Variants in WWC1 observed in about 807,000 individuals in gnomAD.
WWC1 encodes protein KIBRA.
A neutral mutation model predicts 138.4 loss-of-function variants in WWC1; 55 were observed. That is an observed-to-expected ratio of 0.40 (90% CI 0.32 to 0.50). The LOEUF (loss-of-function observed/expected upper bound fraction) is 0.50. WWC1 is among the 20% of genes least tolerant of loss of function. The probability of loss-of-function intolerance (pLI) is 0.72; values close to 1 mark genes in which losing one functional copy is unlikely to be tolerated. For synonymous variants in WWC1, 524 were observed against 564.9 expected (o/e 0.93, Z 1.03); for missense variants, 1,226 against 1,420.4 (o/e 0.86, Z 2.20).
At chr5:168,362,077 C>G (rs1443411343) in intron 1 of WWC1, among the ~76,000 whole-genome samples, 2 of 152,132 alleles carry the variant, frequency 1.3e-5, no homozygotes, top group Non-Finnish European at 2.9e-5. Context: ...GAGTGAAACT[C>G]CATCTCAAAA....
chr5:168,399,165 T>G (rs751563210), intron 4 of WWC1, among the ~76,000 whole-genome samples: 1 of 152,178 alleles, frequency 6.6e-6, no homozygotes, highest in Non-Finnish European at 1.5e-5. Flanking sequence ...CAAGACAGCT[T>G]GAGAGAGTTC....
chr5:168,401,943 A>G (rs958323680), intron 5 of WWC1, among the ~76,000 whole-genome samples: 3 of 152,184 alleles, frequency 2.0e-5, no homozygotes, highest in African/African-American at 7.2e-5. Flanking sequence ...CTGAGCACAC[A>G]GTTTAAGGGC....
intron 1 of WWC1, among the ~76,000 whole-genome samples, chr5:168,297,204 G>T (rs1769612390): frequency 6.6e-6 from 1 of 152,242 alleles, no homozygotes; most frequent in Admixed American, 6.5e-5. Context: ...AGGAATGCCA[G>T]TTCCTTTAAC....
intron 21 of WWC1, chr5:168,467,605 C>A (rs1757407656): frequency 1.9e-6 from 1 of 530,022 alleles, no homozygotes; most frequent in Non-Finnish European, 3.2e-6. Context: ...AGGCAGCCCT[C>A]ATCTCCTCAA....
intron 1 of WWC1, among the ~76,000 whole-genome samples, chr5:168,324,611 T>A (rs953989588): frequency 1.3e-5 from 2 of 152,166 alleles, no homozygotes; most frequent in Admixed American, 1.3e-4. Context: ...GGATGATTTT[T>A]TTTTTAAAAG....
chr5:168,298,352 T>C lies in WWC1; in HGVS notation c.119+6081T>C, dbSNP rs895934941. 1.3e-5 allele frequency among the ~76,000 whole-genome samples: 2 copies of C among 152,142 alleles called. 1 individual carries two copies. The highest frequency in any genetic ancestry group is 4.1e-4 in the South Asian group (2 of 4,820). ...CTGTGCCCCACCCAACAAGGTTTCT[T>C]AAGTGAGAGTTATAACCAGTCTGCC... On this transcript the variant is annotated intron_variant, in intron 1 of 22. Transcript: ENST00000265293.
At chr5:168,424,610 G>A (rs1482392518) in intron 11 of WWC1, among the ~76,000 whole-genome samples, 1 of 152,224 alleles carries the variant, frequency 6.6e-6, no homozygotes, top group African/African-American at 2.4e-5. Context: ...TGAATGGTGA[G>A]ATGGAGCCAG....
At chr5:168,351,297 T>C (rs922737361) in intron 1 of WWC1, among the ~76,000 whole-genome samples, 1 of 152,166 alleles carries the variant, frequency 6.6e-6, no homozygotes, top group Non-Finnish European at 1.5e-5. Flanking sequence ...TGATTGAATC[T>C]GAAAAGCTGA....
intron 1 of WWC1, among the ~76,000 whole-genome samples, chr5:168,330,572 T>C (rs1239883215): frequency 6.6e-6 from 1 of 152,176 alleles, no homozygotes; most frequent in East Asian, 1.9e-4. Context: ...TGGAATGTGC[T>C]AGAAGGGGAA....
At chr5:168,315,960 C>T (rs1771549848) in intron 1 of WWC1, among the ~76,000 whole-genome samples, 1 of 152,162 alleles carries the variant, frequency 6.6e-6, no homozygotes, top group Non-Finnish European at 1.5e-5. Context: ...AGGGAGACTC[C>T]ATAGCTTGAC....
intron 17 of WWC1, among the ~76,000 whole-genome samples, chr5:168,448,601 T>C (rs984090058): frequency 6.6e-6 from 1 of 150,994 alleles, no homozygotes; most frequent in Non-Finnish European, 1.5e-5. Flanking sequence ...CATCATAGAA[T>C]AGTTCTCAAA....
In WWC1 at chr5:168,309,875, A is replaced by G. The variant is rs768169363; in HGVS notation, c.119+17604A>G. On this transcript the variant is annotated intron_variant, in intron 1 of 22. Transcript: ENST00000265293. Reference sequence around the variant, plus strand: ...GTGTCTGTTTCTAGGTACCCACTGGACATCATTTCTGTGTCTAGACAAGCA... The same window carrying G: ...GTGTCTGTTTCTAGGTACCCACTGGGCATCATTTCTGTGTCTAGACAAGCA... Among the ~76,000 whole-genome samples the G allele has an allele frequency of 1.4e-3, 217 of 152,112 alleles. 2 individuals are homozygous for G. Among genetic ancestry groups the G allele is most frequent in the Non-Finnish European group, 8.1e-4 (55 of 68,030 alleles).
chr5:168,364,962 A>G (rs1776177519), intron 1 of WWC1, among the ~76,000 whole-genome samples: 1 of 152,176 alleles, frequency 6.6e-6, no homozygotes, highest in Admixed American at 6.5e-5. Context: ...TCATGTGCTC[A>G]GCTCTCCTAA....
At chr5:168,459,219 A>G (rs1756584974) in intron 19 of WWC1, among the ~76,000 whole-genome samples, 1 of 146,980 alleles carries the variant, frequency 6.8e-6, no homozygotes, top group South Asian at 2.1e-4. Flanking sequence ...GCACCATTGC[A>G]CTCCAGCCTG....
intron 1 of WWC1, among the ~76,000 whole-genome samples, chr5:168,305,659 G>T (rs530253219): frequency 6.6e-6 from 1 of 152,282 alleles, no homozygotes; most frequent in Non-Finnish European, 1.5e-5. Flanking sequence ...CGAATAAGGA[G>T]TCTTGATCTC....
intron 1 of WWC1, among the ~76,000 whole-genome samples, chr5:168,360,211 G>A (rs1389899435): frequency 1.3e-5 from 2 of 152,188 alleles, no homozygotes; most frequent in Non-Finnish European, 2.9e-5. Context: ...GATATCAGTT[G>A]TAAGATGTCA....
chr5:168,294,750 C>T lies in WWC1; in HGVS notation c.119+2479C>T, dbSNP rs557182601. On this transcript the variant is annotated intron_variant, in intron 1 of 22. Coordinates refer to ENST00000265293, the MANE Select transcript of WWC1 (RefSeq NM_015238.3). ...AAGCGATTCTCCTGCCTCAACCTCC[C>T]GAGTAGCTGGGACTACAGGTGCACG... is the stretch of plus-strand genomic sequence containing the variant. Among the ~76,000 whole-genome samples, 7 of 152,250 alleles carry T rather than the reference C, an allele frequency of 4.6e-5. 1 individual carries two copies. The South Asian group carries it at 8.3e-4, about 18-fold the overall frequency.
At chr5:168,337,140 A>G (rs1471073053) in intron 1 of WWC1, among the ~76,000 whole-genome samples, 2 of 152,044 alleles carry the variant, frequency 1.3e-5, no homozygotes, top group African/African-American at 2.4e-5. Context: ...ATCTACACCA[A>G]CTGATGCTGG....
intron 12 of WWC1, 126 bp from the exon 13 acceptor site, chr5:168,428,581 T>G: frequency 1.1e-6 from 1 of 873,800 alleles, no homozygotes; most frequent in Admixed American, 3.0e-5. Flanking sequence ...AATTAAAATT[T>G]AAAAAAGGAC....
Sources: allele counts gnomAD v4.1 joint callset (sites outside exome capture counted in the v4.1 genomes callset), GRCh38; gene constraint gnomAD v4.1.1; transcripts MANE v1.5; gene names NCBI Gene and HGNC (gene_info 2026-07-23, HGNC 2026-07-21).